KCND2: variants seen among roughly 807,000 people sequenced by gnomAD.
The protein encoded by KCND2 is A-type voltage-gated potassium channel KCND2.
A neutral mutation model predicts 54.4 loss-of-function variants in KCND2; 16 were observed. The ratio of observed to expected loss-of-function variants is 0.29; its 90% CI spans 0.20 to 0.45. KCND2 has a LOEUF of 0.45. Ranked by LOEUF, KCND2 falls within the 20% of genes least tolerant of loss-of-function variation. The pLI, the probability that KCND2 is intolerant of heterozygous loss-of-function variation, is 1.00. For missense variants in KCND2, 486 were observed against 824.2 expected (o/e 0.59, Z 5.02); for synonymous variants, 317 against 310.7 (o/e 1.02, Z -0.21).
At chr7:120,389,990 T>C (rs1435819848) in intron 1 of KCND2, among the ~76,000 whole-genome samples, 1 of 151,942 alleles carries the variant, frequency 6.6e-6, no homozygotes, top group Admixed American at 6.6e-5. Flanking sequence ...ATGGTCTTTA[T>C]TGGATAATGG....
Position 120,435,091 on chromosome 7 carries a change from TTTTA to T in KCND2, c.1115+159371_1115+159374del, listed in dbSNP as rs58887227. On this transcript the variant is annotated intron_variant, in intron 1 of 5. Coordinates refer to ENST00000331113, the MANE Select transcript of KCND2 (RefSeq NM_012281.3). ...AGCATATAGAATAACAAACAATAAA[TTTTA>T]TTTATTTATTTATTTATTTATTTAT... Among the ~76,000 whole-genome samples, 279 of 149,316 alleles carry T rather than the reference TTTTA, an allele frequency of 1.9e-3. 2 individuals carry two copies. The highest frequency in any genetic ancestry group is 6.3e-3 in the African/African-American group (255 of 40,414).
chr7:120,666,862 C>G (rs1028660890), intron 1 of KCND2, among the ~76,000 whole-genome samples: 3 of 151,972 alleles, frequency 2.0e-5, no homozygotes, highest in African/African-American at 7.2e-5. Context: ...AAATACAAAC[C>G]TCTATAGTTA....
chr7:120,466,960 C>T (rs1364483795), intron 1 of KCND2, among the ~76,000 whole-genome samples: 1 of 152,168 alleles, frequency 6.6e-6, no homozygotes, highest in Non-Finnish European at 1.5e-5. Context: ...CATTCCATCT[C>T]CATATGTCTT....
chr7:120,454,449 C>A (rs578240153), intron 1 of KCND2, among the ~76,000 whole-genome samples: 28 of 152,134 alleles, frequency 1.8e-4, no homozygotes, highest in Non-Finnish European at 3.5e-4. Context: ...ACTAGAATAC[C>A]TAGAGGAAAC....
At chr7:120,743,550 G>T (rs1264079922) in intron 4 of KCND2, among the ~76,000 whole-genome samples, 2 of 152,192 alleles carry the variant, frequency 1.3e-5, no homozygotes, top group Non-Finnish European at 2.9e-5. Flanking sequence ...CGGTGCCACA[G>T]TCAAGAGAGT....
chr7:120,289,945 TGTTTTTGCTTATTTGTA>T (rs1160521427), intron 1 of KCND2, among the ~76,000 whole-genome samples: 52 of 152,232 alleles, frequency 3.4e-4, no homozygotes, highest in African/African-American at 1.2e-3. Flanking sequence ...GCTCACATTG[TGTTTTTGCTTATTTGTA>T]GTATCCCTAG....
At chr7:120,559,011 G>GTT (rs942932512) in intron 1 of KCND2, among the ~76,000 whole-genome samples, 1 of 151,560 alleles carries the variant, frequency 6.6e-6, no homozygotes, top group African/African-American at 2.4e-5. Context: ...GTGTGTGTGT[G>GTT]TGTTTCTGTG....
chr7:120,671,394 C>G (rs1401111701), intron 1 of KCND2, among the ~76,000 whole-genome samples: 2 of 152,026 alleles, frequency 1.3e-5, no homozygotes, highest in Non-Finnish European at 2.9e-5. Flanking sequence ...GCCCGCTGCT[C>G]CTCCCCTGCT....
intron 1 of KCND2, among the ~76,000 whole-genome samples, chr7:120,514,219 T>C (rs1379705786): frequency 6.6e-6 from 1 of 152,094 alleles, no homozygotes; most frequent in Non-Finnish European, 1.5e-5. Context: ...CTGAGGTGAT[T>C]AAAAATTTTG....
chr7:120,307,683 A>G (rs1799667932), intron 1 of KCND2, among the ~76,000 whole-genome samples: 3 of 152,120 alleles, frequency 2.0e-5, no homozygotes, highest in Non-Finnish European at 4.4e-5. Context: ...TGCATATTCT[A>G]TTCAGAAAGC....
rs140259356 is a variant in KCND2 at position 120,400,026 on chromosome 7, TCTAA to T, written c.1115+124284_1115+124287del. ...CAGGCATGAGCCACCGCACCCGGCC[TCTAA>T]CTAATTTTATAAATTAAAATTTCAG... On this transcript the variant is annotated intron_variant, in intron 1 of 5. Transcript: ENST00000331113. 1.3e-3 allele frequency among the ~76,000 whole-genome samples: 198 copies of T among 152,176 alleles called. 1 individual carries two copies. Among genetic ancestry groups the T allele is most frequent in the African/African-American group, 4.7e-3 (195 of 41,528 alleles).
chr7:120,441,933 T>TCC (rs1253439549), intron 1 of KCND2, among the ~76,000 whole-genome samples: 1 of 152,128 alleles, frequency 6.6e-6, no homozygotes, highest in Non-Finnish European at 1.5e-5. Flanking sequence ...TTCTCTGGTC[T>TCC]CCACCCATTA....
intron 1 of KCND2, among the ~76,000 whole-genome samples, chr7:120,620,308 A>G (rs1793082359): frequency 6.6e-6 from 1 of 151,936 alleles, no homozygotes; most frequent in African/African-American, 2.4e-5. Flanking sequence ...CATAACTTCC[A>G]GTTCAAGAAT....
chr7:120,587,189 G>A (rs1028525841), intron 1 of KCND2, among the ~76,000 whole-genome samples: 1 of 152,064 alleles, frequency 6.6e-6, no homozygotes, highest in African/African-American at 2.4e-5. Flanking sequence ...AGTCAAATGT[G>A]CTCTAATAGA....
intron 1 of KCND2, among the ~76,000 whole-genome samples, chr7:120,355,416 G>A (rs1460012333): frequency 1.3e-5 from 2 of 152,104 alleles, no homozygotes; most frequent in African/African-American, 4.8e-5. Context: ...GCGTGCTGGT[G>A]TGTGCCTGTA....
At position 120,523,702 on chromosome 7, in the gene KCND2, C is replaced by CACTG. The variant is rs1491350289; in HGVS notation, c.1116-209201_1116-209200insACTG. 3.3e-3 allele frequency among the ~76,000 whole-genome samples: 366 copies of CACTG among 111,010 alleles called. 7 individuals carry two copies. Among genetic ancestry groups the CACTG allele is most frequent in the African/African-American group, 0.015 (351 of 23,082 alleles). The allele number at this position is 111,010 out of a possible 152,430, so 72.8% of individuals were successfully genotyped here. On this transcript the variant is annotated intron_variant, in intron 1 of 5. Transcript: ENST00000331113. Reference sequence around the variant, plus strand: ...ATACACAGATATACACACACACACACTCTGTGTGTGTGTGTGTGTGTGTGT... The same window carrying CACTG: ...ATACACAGATATACACACACACACACACTGTCTGTGTGTGTGTGTGTGTGTGTGT...
chr7:120,478,889 T>C (rs148981639), intron 1 of KCND2, among the ~76,000 whole-genome samples: 1 of 152,278 alleles, frequency 6.6e-6, no homozygotes, highest in African/African-American at 2.4e-5. Flanking sequence ...TCTAATTTAA[T>C]AATATGGTAA....
chr7:120,443,404 G>A (rs1261250618), intron 1 of KCND2, among the ~76,000 whole-genome samples: 1 of 150,466 alleles, frequency 6.6e-6, no homozygotes, highest in African/African-American at 2.4e-5. Flanking sequence ...TGCTTTACGA[G>A]GGATAAAAAT....
chr7:120,290,493 T>C (rs1799418099), intron 1 of KCND2, among the ~76,000 whole-genome samples: 1 of 152,054 alleles, frequency 6.6e-6, no homozygotes, highest in South Asian at 2.1e-4. Context: ...ATCTCTATGC[T>C]ATTGGCTCGT....
Sources: allele counts gnomAD v4.1 joint callset (sites outside exome capture counted in the v4.1 genomes callset), GRCh38; gene constraint gnomAD v4.1.1; transcripts MANE v1.5; gene names NCBI Gene and HGNC (gene_info 2026-07-23, HGNC 2026-07-21).